Variants in SERPINF1 observed in about 807,000 individuals in gnomAD.
SERPINF1 encodes pigment epithelium-derived factor.
A neutral mutation model predicts 37.3 loss-of-function variants in SERPINF1; 29 were observed. The ratio of observed to expected loss-of-function variants is 0.78; its 90% CI spans 0.58 to 1.06. SERPINF1 has a LOEUF of 1.06. Ranked by LOEUF, SERPINF1 falls within the 50% of genes least tolerant of loss-of-function variation. SERPINF1 has a pLI of 0.00. For missense variants in SERPINF1, 553 were observed against 532.2 expected, an observed-to-expected ratio of 1.04 and a Z score of -0.38; for synonymous variants, 281 against 227.9, an observed-to-expected ratio of 1.23 and a Z score of -2.10.
intron 1 of SERPINF1, among the ~76,000 whole-genome samples, chr17:1,763,038 G>A (rs1907177522): frequency 1.3e-5 from 2 of 152,194 alleles, no homozygotes; most frequent in Admixed American, 1.3e-4. Flanking sequence ...GTGGGGAAGT[G>A]CAACTCCACG....
At position 1,777,507 on chromosome 17, in the gene SERPINF1, G is replaced by A; in HGVS notation, c.*61G>A. 6.2e-7 allele frequency: 1 copy of A among 1,608,006 alleles called. No individual in the cohort carries two copies. Among genetic ancestry groups the A allele is most frequent in the South Asian group, 1.1e-5 (1 of 90,748 alleles). On this transcript the variant is annotated 3_prime_UTR_variant, in exon 8 of 8. Transcript: ENST00000254722. Reference sequence around the variant, plus strand: ...ACCCGAGGGACAGCAGATTCCACAGGACACGAAGGCTGCCCCTGTAAGGTT... The same window carrying A: ...ACCCGAGGGACAGCAGATTCCACAGAACACGAAGGCTGCCCCTGTAAGGTT...
At chr17:1,765,140 G>A (rs1274190666) in intron 1 of SERPINF1, among the ~76,000 whole-genome samples, 2 of 134,414 alleles carry the variant, frequency 1.5e-5, no homozygotes, top group Admixed American at 1.5e-4. Flanking sequence ...CACTGCGCCT[G>A]GCCTTTTTTT....
chr17:1,768,171 C>T (rs1237725332), intron 2 of SERPINF1, among the ~76,000 whole-genome samples: 2 of 152,104 alleles, frequency 1.3e-5, no homozygotes, highest in Non-Finnish European at 2.9e-5. Flanking sequence ...GTGGCTCACG[C>T]CTGTAATCCC....
chr17:1,770,769 T>G (rs1907678208), intron 3 of SERPINF1: 1 of 450,960 alleles, frequency 2.2e-6, no homozygotes, highest in South Asian at 2.1e-5. Context: ...CAGAATAATC[T>G]TAAGGGCTAT....
At chr17:1,771,646 C>T (rs983264050) in intron 4 of SERPINF1, 28 of 586,184 alleles carry the variant, frequency 4.8e-5, no homozygotes, top group East Asian at 2.1e-4. Flanking sequence ...CTGCAGGAGA[C>T]GGTGGGAGGG....
At chr17:1,769,049 C>A (rs1464844115) in intron 2 of SERPINF1, among the ~76,000 whole-genome samples, 1 of 150,560 alleles carries the variant, frequency 6.6e-6, no homozygotes, top group African/African-American at 2.4e-5. Flanking sequence ...TCAAGTGATT[C>A]ACCCACCTCA....
chr17:1,770,912 G>A (rs1327198691), intron 3 of SERPINF1, 117 bp from the exon 4 acceptor site: 2 of 1,280,950 alleles, frequency 1.6e-6, no homozygotes, highest in East Asian at 4.6e-5. Flanking sequence ...TTGAAGATCA[G>A]CCTACTTGGG....
At position 1,769,899 on chromosome 17, in the gene SERPINF1, T is replaced by A. The variant is rs1345201529; in HGVS notation, c.132T>A (p.Asp44Glu). 3 of 1,614,122 alleles carry A rather than the reference T, an allele frequency of 1.9e-6. No individual in the cohort carries two copies. The change falls in exon 3 of 8, where the codon GAT becomes GAA. Residue 44 changes from aspartate (D) to glutamate (E), a missense_variant. Physicochemically the swap from Asp to Glu is conservative, Grantham distance 45 (BLOSUM62 2). Coordinates refer to ENST00000254722, the MANE Select transcript of SERPINF1 (RefSeq NM_002615.7). ...DSTGALVEEE[D>E]PFFKVPVNKL... ...CAGGGGCGCTGGTGGAGGAGGAGGA[T>A]CCTTTCTTCAAAGTCCCCGTGAACA...
intron 3 of SERPINF1, chr17:1,770,400 A>C: frequency 2.5e-6 from 1 of 394,810 alleles, no homozygotes; most frequent in Non-Finnish European, 4.7e-6. Flanking sequence ...GCCCTCACCG[A>C]GGACACAGCT....
rs1907627993 is a variant in SERPINF1 at position 1,770,019 on chromosome 17, T to C, written c.252T>C (p.Ser84=). 2 of 1,614,072 alleles carry C rather than the reference T, an allele frequency of 1.2e-6. No individual in the cohort carries two copies. The highest frequency in any genetic ancestry group is 1.7e-6 in the Non-Finnish European group (2 of 1,180,052). ...CCAACGTGCTCCTGTCTCCTCTCAG[T>C]GTGGCCACGGCCCTCTCGGCCCTCT... ...PTTNVLLSPL[S]VATALSALSL... is the part of the protein sequence containing the mutation. The change falls in exon 3 of 8, where the codon AGT becomes AGC. Residue 84 remains serine, a synonymous_variant. Coordinates refer to ENST00000254722, the MANE Select transcript of SERPINF1 (RefSeq NM_002615.7).
intron 1 of SERPINF1, among the ~76,000 whole-genome samples, chr17:1,763,192 G>A (rs377573297): frequency 4.6e-5 from 7 of 152,340 alleles, no homozygotes; most frequent in South Asian, 4.1e-4. Context: ...TGCTATCTCC[G>A]AGGCCCACTG....
intron 1 of SERPINF1, among the ~76,000 whole-genome samples, chr17:1,762,536 G>A (rs1274263405): frequency 6.6e-6 from 1 of 152,162 alleles, no homozygotes; most frequent in Non-Finnish European, 1.5e-5. Flanking sequence ...GAAGGCGGCC[G>A]CCCTGCAGCC....
intron 4 of SERPINF1, 115 bp from the exon 5 acceptor site, chr17:1,771,757 C>A: frequency 1.0e-6 from 1 of 968,432 alleles, no homozygotes; most frequent in Non-Finnish European, 1.6e-6. Context: ...AAGATGCTGG[C>A]TGGGAAGTCA....
rs555483089 is a variant in SERPINF1 at position 1,767,524 on chromosome 17, C to G, written c.84+530C>G. On this transcript the variant is annotated intron_variant, in intron 2 of 7. Transcript: ENST00000254722. ...TCCCGGACATTTGTTCGGATACTGACCAGGCTGTGGCAGGGAGTGAGGGTA... is the reference window on the plus strand; with the variant it reads ...TCCCGGACATTTGTTCGGATACTGAGCAGGCTGTGGCAGGGAGTGAGGGTA... Among the ~76,000 whole-genome samples the G allele has an allele frequency of 7.9e-5, 12 of 152,284 alleles. 1 individual carries two copies. The South Asian group carries it at 2.1e-3, about 26-fold the overall frequency.
chr17:1,766,940 T>A lies in SERPINF1; in HGVS notation c.30T>A (p.Ile10=). ...AGGCCCTGGTGCTACTCCTCTGCATTGGAGCCCTCCTCGGGCACAGCAGCT... is the reference window on the plus strand; with the variant it reads ...AGGCCCTGGTGCTACTCCTCTGCATAGGAGCCCTCCTCGGGCACAGCAGCT... The part of the protein sequence containing the change: MQALVLLLC[I]GALLGHSSCQ... Residue 10 remains isoleucine (I), a synonymous_variant, in exon 2 of 8, where the codon ATT becomes ATA. Coordinates refer to ENST00000254722, the MANE Select transcript of SERPINF1 (RefSeq NM_002615.7). 6.4e-7 allele frequency: 1 copy of A among 1,565,704 alleles called. No homozygotes were observed. Among genetic ancestry groups the A allele is most frequent in the East Asian group, 2.4e-5 (1 of 42,332 alleles).
At chr17:1,769,027 G>A (rs1049968232) in intron 2 of SERPINF1, among the ~76,000 whole-genome samples, 1 of 149,832 alleles carries the variant, frequency 6.7e-6, no homozygotes, top group Non-Finnish European at 1.5e-5. Context: ...GGATGGTCTC[G>A]AACTCCTGAC....
chr17:1,775,255 C>T lies in SERPINF1; in HGVS notation c.786+55C>T, dbSNP rs913690853. On this transcript the variant is annotated intron_variant, in intron 6 of 7. Transcript: ENST00000254722. Reference sequence around the variant, plus strand: ...TGGATGGAGGGAGAGGATAGAGAAGCAAAACAGGGTAGTGGGAATAAAATG... The same window carrying T: ...TGGATGGAGGGAGAGGATAGAGAAGTAAAACAGGGTAGTGGGAATAAAATG... The T allele has an allele frequency of 9.6e-6, 15 of 1,564,550 alleles. No homozygotes were observed. In the African/African-American group the frequency reaches 1.4e-4, roughly 14 times the overall value.
chr17:1,762,519 C>T (rs1907146485), intron 1 of SERPINF1, among the ~76,000 whole-genome samples: 1 of 152,200 alleles, frequency 6.6e-6, no homozygotes, highest in Non-Finnish European at 1.5e-5. Flanking sequence ...CCACCAAGGG[C>T]AGTCAGGAAG....
At chr17:1,776,310 C>A in intron 6 of SERPINF1, 1 of 599,686 alleles carries the variant, frequency 1.7e-6, no homozygotes, top group Non-Finnish European at 3.0e-6. Flanking sequence ...GGTATTAGGC[C>A]AAGGTAAGAA....
Sources: gnomAD v4.1 joint callset for allele counts (sites outside exome capture counted in the v4.1 genomes callset) on GRCh38, gnomAD v4.1.1 for gene constraint, MANE v1.5 for transcripts, NCBI Gene and HGNC (gene_info 2026-07-23, HGNC 2026-07-21) for gene names.